CTTNBP2NL: variants seen among roughly 807,000 people sequenced by gnomAD.
The protein encoded by CTTNBP2NL is CTTNBP2 N-terminal-like protein.
Under a neutral mutation model 32.5 loss-of-function variants are expected in CTTNBP2NL, and 16 were observed. The ratio of observed to expected loss-of-function variants is 0.49; its 90% CI spans 0.33 to 0.75. The LOEUF is 0.75. Among genes scored for constraint, CTTNBP2NL ranks in the 30% least tolerant of loss-of-function variants. The pLI, the probability that CTTNBP2NL is intolerant of heterozygous loss-of-function variation, is 0.02. For missense variants in CTTNBP2NL, 645 were observed against 756.0 expected (o/e 0.85, Z 1.72); for synonymous variants, 298 against 289.4 (o/e 1.03, Z -0.30).
chr1:112,439,366 C>T (rs1649830374), intron 3 of CTTNBP2NL, among the ~76,000 whole-genome samples: 1 of 152,180 alleles, frequency 6.6e-6, no homozygotes, highest in Admixed American at 6.5e-5. Context: ...CTTCCCAGGA[C>T]CTCACTTTTG....
intron 3 of CTTNBP2NL, among the ~76,000 whole-genome samples, chr1:112,424,364 G>A (rs1398546364): frequency 6.6e-6 from 1 of 152,144 alleles, no homozygotes; most frequent in Non-Finnish European, 1.5e-5. Flanking sequence ...TAGACCCTCT[G>A]TTCTGTTCTT....
At chr1:112,447,296 AAG>A (rs1650076067) in intron 3 of CTTNBP2NL, among the ~76,000 whole-genome samples, 1 of 150,024 alleles carries the variant, frequency 6.7e-6, no homozygotes, top group Non-Finnish European at 1.5e-5. Flanking sequence ...AAAAAAAAAA[AAG>A]TAGAGTTTCA....
chr1:112,457,419 GGA>G lies in CTTNBP2NL; in HGVS notation c.*9_*10del. ...TTTGCCTACCAGCAGCTAGTCCCTAGGAGGGAGTCTCCACGTTTGACATTCCA... is the reference window on the plus strand; with the variant it reads ...TTTGCCTACCAGCAGCTAGTCCCTAGGGGAGTCTCCACGTTTGACATTCCA... On this transcript the variant is annotated 3_prime_UTR_variant, in exon 6 of 6. Transcript: ENST00000271277. The G allele has an allele frequency of 6.3e-7, 1 of 1,594,712 alleles. No homozygotes were observed. The highest frequency in any genetic ancestry group is 8.6e-7 in the Non-Finnish European group (1 of 1,169,268).
At chr1:112,419,739 T>TA (rs1018956880) in intron 3 of CTTNBP2NL, among the ~76,000 whole-genome samples, 2 of 152,178 alleles carry the variant, frequency 1.3e-5, no homozygotes, top group Admixed American at 6.5e-5. Flanking sequence ...TTGCATTTTT[T>TA]AAAAAAATCA....
chr1:112,418,877 A>G (rs1024045087), intron 3 of CTTNBP2NL, among the ~76,000 whole-genome samples: 1 of 152,230 alleles, frequency 6.6e-6, no homozygotes, highest in African/African-American at 2.4e-5. Context: ...TAGATTAAAT[A>G]GTTTATTTCT....
intron 3 of CTTNBP2NL, among the ~76,000 whole-genome samples, chr1:112,444,549 C>G (rs1649981605): frequency 1.3e-5 from 2 of 152,078 alleles, no homozygotes; most frequent in African/African-American, 4.8e-5. Flanking sequence ...GTCTAACCAG[C>G]CAGTTATTTT....
upstream of CTTNBP2NL, among the ~76,000 whole-genome samples, chr1:112,392,751 C>T (rs2100983695): frequency 6.6e-6 from 1 of 152,168 alleles, no homozygotes; most frequent in African/African-American, 2.4e-5. Flanking sequence ...AGTTACACGC[C>T]AATGATCACT....
At chr1:112,432,952 C>A (rs772858267) in intron 3 of CTTNBP2NL, among the ~76,000 whole-genome samples, 4 of 152,058 alleles carry the variant, frequency 2.6e-5, no homozygotes, top group Non-Finnish European at 5.9e-5. Flanking sequence ...AATTAGATGA[C>A]CTAACTCAGC....
In CTTNBP2NL at chr1:112,439,061, T is replaced by A. The variant is rs1161385281; in HGVS notation, c.100-9881T>A. Among the ~76,000 whole-genome samples, 3 of 152,200 alleles carry A rather than the reference T, an allele frequency of 2.0e-5. No homozygotes were observed. In the East Asian group the frequency reaches 5.8e-4, roughly 29 times the overall value. On this transcript the variant is annotated intron_variant, in intron 3 of 5. Transcript: ENST00000271277. Reference sequence around the variant, plus strand: ...ACAGTGACAGCCGAAATTGCTGCCTTTCCATCTGCCGACTTGTGACATAGG... The same window carrying A: ...ACAGTGACAGCCGAAATTGCTGCCTATCCATCTGCCGACTTGTGACATAGG...
chr1:112,417,218 C>CT (rs1416816336), intron 3 of CTTNBP2NL, among the ~76,000 whole-genome samples: 8 of 152,160 alleles, frequency 5.3e-5, no homozygotes, highest in African/African-American at 1.9e-4. Context: ...CTTTATGTGT[C>CT]TATTTACTAA....
At chr1:112,441,455 G>A (rs1485636434) in intron 3 of CTTNBP2NL, among the ~76,000 whole-genome samples, 1 of 152,078 alleles carries the variant, frequency 6.6e-6, no homozygotes, top group Non-Finnish European at 1.5e-5. Flanking sequence ...CCTGTTGATT[G>A]ATATCTGATT....
chr1:112,421,317 T>TTTTC, intron 3 of CTTNBP2NL, among the ~76,000 whole-genome samples: 1 of 147,442 alleles, frequency 6.8e-6, no homozygotes, highest in African/African-American at 2.5e-5. Flanking sequence ...TTTCTTTTTT[T>TTTTC]TTTTTTTTTT....
In CTTNBP2NL at chr1:112,447,405, G is replaced by T. The variant is rs76328815; in HGVS notation, c.100-1537G>T. On this transcript the variant is annotated intron_variant, in intron 3 of 5. Transcript: ENST00000271277. ...GAAAGATAGTTATTAGTAACTTAAA[G>T]AAATGGATTTCTCTCTTCATATTTC... Among the ~76,000 whole-genome samples, 1,058 of 146,494 alleles carry T rather than the reference G, an allele frequency of 7.2e-3. 27 individuals are homozygous for T. The East Asian group carries it at 0.075, about 10-fold the overall frequency.
At chr1:112,429,789 A>G (rs182384478) in intron 3 of CTTNBP2NL, among the ~76,000 whole-genome samples, 185 of 152,314 alleles carry the variant, frequency 1.2e-3, no homozygotes, top group Middle Eastern at 6.8e-3. Context: ...AGATCTTTAT[A>G]TATAATAAAG....
chr1:112,407,176 A>G (rs1648691253), intron 1 of CTTNBP2NL, among the ~76,000 whole-genome samples: 1 of 152,214 alleles, frequency 6.6e-6, no homozygotes, highest in Non-Finnish European at 1.5e-5. Flanking sequence ...ACTGTGTTGT[A>G]GTGCTGTCAT....
chr1:112,461,053 A>T lies in CTTNBP2NL; in HGVS notation c.*3641A>T, dbSNP rs1410104327. 1 of 152,214 alleles carries T rather than the reference A, an allele frequency of 6.6e-6. No individual in the cohort carries two copies. Among genetic ancestry groups the T allele is most frequent in the African/African-American group, 2.4e-5 (1 of 41,460 alleles). The allele number at this position is 152,214 out of a possible 1,614,324, so 9.4% of individuals were successfully genotyped here. A position where few individuals can be genotyped will look rare whatever the true frequency, so the allele number is the denominator to read the frequency against. ...GGGCAATGAGCATTGTTCCACAGGA[A>T]TAATTTTTAATTTAATTTCTATAAA... On this transcript the variant is annotated 3_prime_UTR_variant, in exon 6 of 6. Transcript: ENST00000271277.
At chr1:112,392,460 C>T (rs1006212868), upstream of CTTNBP2NL, among the ~76,000 whole-genome samples, 3 of 152,152 alleles carry the variant, frequency 2.0e-5, no homozygotes, top group African/African-American at 7.2e-5. Flanking sequence ...TATCAATGAA[C>T]TTAAATGGAG....
At chr1:112,393,100 C>T (rs1648223877), upstream of CTTNBP2NL, among the ~76,000 whole-genome samples, 1 of 152,068 alleles carries the variant, frequency 6.6e-6, no homozygotes, top group South Asian at 2.1e-4. Context: ...TCAGGTGATC[C>T]ACCCACCTCA....
At chr1:112,417,902 G>GT (rs35990299) in intron 3 of CTTNBP2NL, among the ~76,000 whole-genome samples, 76,898 of 151,750 alleles carry the variant, frequency 0.51, 22,195 homozygotes, top group South Asian at 0.71. Flanking sequence ...TATTTGTATC[G>GT]TTTTTGCTTA....
Sources: allele counts gnomAD v4.1 joint callset (sites outside exome capture counted in the v4.1 genomes callset), GRCh38; gene constraint gnomAD v4.1.1; transcripts MANE v1.5; gene names NCBI Gene and HGNC (gene_info 2026-07-23, HGNC 2026-07-21).